Variants in SPAG16 observed in about 807,000 individuals in gnomAD.
SPAG16 encodes sperm-associated antigen 16 protein.
SPAG16 carries 86 observed loss-of-function variants against 80.4 expected under a neutral mutation model. The ratio of observed to expected loss-of-function variants is 1.07; its 90% confidence interval spans 0.90 to 1.28. The LOEUF (loss-of-function observed/expected upper bound fraction) is 1.28. SPAG16 is among the 50% of genes most tolerant of loss of function. The pLI is 0.00. For synonymous variants in SPAG16, 294 were observed against 265.9 expected (o/e 1.11, Z -1.03); for missense variants, 870 against 765.3 (o/e 1.14, Z -1.61).
At chr2:213,858,442 T>A (rs956608617) in intron 10 of SPAG16, among the ~76,000 whole-genome samples, 1 of 152,200 alleles carries the variant, frequency 6.6e-6, no homozygotes, top group Non-Finnish European at 1.5e-5. Context: ...CCCCATTTTT[T>A]AGCAATAAAG....
chr2:213,325,855 C>T (rs1448006209), intron 5 of SPAG16, among the ~76,000 whole-genome samples: 62 of 151,844 alleles, frequency 4.1e-4, no homozygotes, highest in Non-Finnish European at 1.2e-4. Flanking sequence ...GTTTTGTGTT[C>T]ACTATACCCA....
intron 9 of SPAG16, among the ~76,000 whole-genome samples, chr2:213,383,152 T>G (rs1396050954): frequency 6.6e-6 from 1 of 152,184 alleles, no homozygotes; most frequent in African/African-American, 2.4e-5. Context: ...TGTCTCTCTT[T>G]TGTTGGATCT....
At chr2:213,969,889 G>C (rs769166331) in intron 12 of SPAG16, among the ~76,000 whole-genome samples, 1 of 152,104 alleles carries the variant, frequency 6.6e-6, no homozygotes, top group Admixed American at 6.6e-5. Context: ...CACAGTAGTT[G>C]TCTCACTCCG....
intron 10 of SPAG16, among the ~76,000 whole-genome samples, chr2:213,703,290 A>G (rs1020723448): frequency 6.6e-6 from 1 of 152,172 alleles, no homozygotes; most frequent in Non-Finnish European, 1.5e-5. Context: ...TTGCTCAAAG[A>G]TTATTAGGAA....
intron 15 of SPAG16, among the ~76,000 whole-genome samples, chr2:214,339,592 T>A (rs2202898): frequency 0.48 from 73,742 of 152,062 alleles, 21,428 homozygotes; most frequent in South Asian, 0.65. Context: ...CAAACAAAGC[T>A]TTCTGCTCAG....
chr2:214,376,569 G>C (rs1319079520), intron 15 of SPAG16, among the ~76,000 whole-genome samples: 1 of 152,008 alleles, frequency 6.6e-6, no homozygotes, highest in Non-Finnish European at 1.5e-5. Context: ...ATATTTTCTT[G>C]ATAATAATCT....
At chr2:213,380,744 C>T (rs570652177) in intron 9 of SPAG16, among the ~76,000 whole-genome samples, 1 of 152,176 alleles carries the variant, frequency 6.6e-6, no homozygotes, top group Admixed American at 6.5e-5. Flanking sequence ...ATCCAAGAGG[C>T]CTCCGCTGTG....
intron 15 of SPAG16, among the ~76,000 whole-genome samples, chr2:214,171,875 T>G (rs2056879505): frequency 6.6e-6 from 1 of 151,960 alleles, no homozygotes; most frequent in Non-Finnish European, 1.5e-5. Flanking sequence ...AAATACATTT[T>G]ATTGTGTATA....
At chr2:213,752,494 C>A (rs1288116261) in intron 10 of SPAG16, among the ~76,000 whole-genome samples, 1 of 152,126 alleles carries the variant, frequency 6.6e-6, no homozygotes. Context: ...TTCTAAAATG[C>A]TTAAGGTTTT....
chr2:213,871,838 TCACACA>T (rs1045988177), intron 11 of SPAG16, among the ~76,000 whole-genome samples: 40 of 101,872 alleles, frequency 3.9e-4, no homozygotes, highest in African/African-American at 1.2e-3. Flanking sequence ...CTCAGGAAAT[TCACACA>T]CACACACACA....
chr2:214,353,540 A>C (rs1698565698), intron 15 of SPAG16, among the ~76,000 whole-genome samples: 1 of 152,094 alleles, frequency 6.6e-6, no homozygotes, highest in South Asian at 2.1e-4. Flanking sequence ...TTCTAGAGGG[A>C]GTTTAACAGA....
chr2:214,196,586 C>G (rs1238605997), intron 15 of SPAG16, among the ~76,000 whole-genome samples: 1 of 151,936 alleles, frequency 6.6e-6, no homozygotes, highest in Non-Finnish European at 1.5e-5. Flanking sequence ...AAGAAAAATG[C>G]AGAAGGTGCT....
intron 2 of SPAG16, 129 bp downstream of exon 2, chr2:213,296,239 A>G (rs2062491167): frequency 6.3e-6 from 4 of 636,268 alleles, no homozygotes; most frequent in Admixed American, 5.4e-5. Flanking sequence ...TTTCAACTGA[A>G]TTTAGCTAGT....
chr2:214,254,667 T>C (rs186252286), intron 15 of SPAG16, among the ~76,000 whole-genome samples: 55 of 152,208 alleles, frequency 3.6e-4, no homozygotes, highest in Middle Eastern at 3.4e-3. Flanking sequence ...CTTTCCTTAC[T>C]TAATCTTTTG....
intron 13 of SPAG16, among the ~76,000 whole-genome samples, chr2:214,097,882 C>T (rs923328744): frequency 6.6e-6 from 1 of 151,988 alleles, no homozygotes; most frequent in Non-Finnish European, 1.5e-5. Flanking sequence ...AAGCACTTTA[C>T]ACCAATTCAC....
chr2:214,314,429 A>G (rs1695543729), intron 15 of SPAG16, among the ~76,000 whole-genome samples: 2 of 152,220 alleles, frequency 1.3e-5, no homozygotes, highest in African/African-American at 4.8e-5. Context: ...GTTCTAAAAC[A>G]TGAATGACAT....
intron 10 of SPAG16, among the ~76,000 whole-genome samples, chr2:213,857,050 C>A (rs2372262): frequency 0.34 from 52,263 of 151,808 alleles, 9,447 homozygotes; most frequent in South Asian, 0.47. Context: ...GCCAACATGG[C>A]GAAACCCTAT....
At chr2:213,483,790 C>G (rs1255146840) in intron 9 of SPAG16, among the ~76,000 whole-genome samples, 1 of 152,166 alleles carries the variant, frequency 6.6e-6, no homozygotes, top group African/African-American at 2.4e-5. Context: ...AAAATAGGCA[C>G]TTACTTAACT....
At chr2:214,246,447 T>C (rs35945601) in intron 15 of SPAG16, among the ~76,000 whole-genome samples, 80,855 of 151,914 alleles carry the variant, frequency 0.53, 24,674 homozygotes, top group South Asian at 0.71. Flanking sequence ...GAATTAACAT[T>C]GAGTGACTTC....
Sources: allele counts gnomAD v4.1 joint callset (sites outside exome capture counted in the v4.1 genomes callset), GRCh38; gene constraint gnomAD v4.1.1; transcripts MANE v1.5; gene names NCBI Gene and HGNC (gene_info 2026-07-23, HGNC 2026-07-21).